The following DUSP16 variants were observed in gnomAD, a reference collection of about 807,000 sequenced individuals.
The protein encoded by DUSP16 is dual specificity protein phosphatase 16.
In DUSP16, 21 loss-of-function variants were observed where a neutral mutation model predicts 58.3. The observed-to-expected ratio is 0.36, with a 90% confidence interval of 0.26 to 0.52. The LOEUF (loss-of-function observed/expected upper bound fraction) is 0.52. DUSP16 is among the 20% of genes least tolerant of loss of function. The pLI, the probability that DUSP16 is intolerant of heterozygous loss-of-function variation, is 0.94. For synonymous variants in DUSP16, 320 were observed against 323.8 expected, an observed-to-expected ratio of 0.99 and a Z score of 0.12; for missense variants, 726 against 819.0, an observed-to-expected ratio of 0.89 and a Z score of 1.39.
chr12:12,479,892 A>G (rs1943530934), intron 6 of DUSP16, among the ~76,000 whole-genome samples: 1 of 152,226 alleles, frequency 6.6e-6, no homozygotes, highest in Non-Finnish European at 1.5e-5. Flanking sequence ...TCCCCCCATC[A>G]TATGCAAATT....
Position 12,487,201 on chromosome 12 carries a change from G to C in DUSP16, c.532-14C>G. ...CTGCATCAGCTCCTATGGAGAGAAA[G>C]AGTAGCAGTTAAAGTGACTAATAAT... is the stretch of plus-strand genomic sequence containing the variant. On this transcript the variant is annotated splice_polypyrimidine_tract_variant and intron_variant, in intron 4 of 6. Transcript: ENST00000298573. The C allele has an allele frequency of 1.9e-6, 3 of 1,612,324 alleles. No homozygotes were observed. Among genetic ancestry groups the C allele is most frequent in the South Asian group, 1.1e-5 (1 of 90,972 alleles).
At chr12:12,479,230 TGGA>T (rs1395081034) in intron 6 of DUSP16, among the ~76,000 whole-genome samples, 6 of 151,684 alleles carry the variant, frequency 4.0e-5, no homozygotes, top group African/African-American at 1.5e-4. Context: ...TTTCAGGTGA[TGGA>T]GGAGTAGAAC....
At chr12:12,550,793 T>C (rs1944713189) in intron 1 of DUSP16, among the ~76,000 whole-genome samples, 1 of 152,066 alleles carries the variant, frequency 6.6e-6, no homozygotes, top group African/African-American at 2.4e-5. Context: ...CTAATGTAGA[T>C]GACGGGCTGA....
At chr12:12,515,674 T>C (rs1489051000) in intron 3 of DUSP16, among the ~76,000 whole-genome samples, 5 of 151,798 alleles carry the variant, frequency 3.3e-5, no homozygotes, top group Admixed American at 1.3e-4. Flanking sequence ...GTGGGGAAGA[T>C]ATGCAGGTCT....
At chr12:12,534,438 G>A (rs527265340) in intron 1 of DUSP16, among the ~76,000 whole-genome samples, 20 of 152,278 alleles carry the variant, frequency 1.3e-4, no homozygotes, top group South Asian at 2.1e-4. Flanking sequence ...GACGGGAGTC[G>A]GAACATTCTC....
At chr12:12,544,598 C>T (rs975855035) in intron 1 of DUSP16, among the ~76,000 whole-genome samples, 1 of 151,928 alleles carries the variant, frequency 6.6e-6, no homozygotes, top group African/African-American at 2.4e-5. Flanking sequence ...GTTCTAGTTG[C>T]TCTACACCCA....
chr12:12,560,258 CCA>C (rs1227629989), intron 1 of DUSP16, among the ~76,000 whole-genome samples: 7 of 152,056 alleles, frequency 4.6e-5, no homozygotes, highest in African/African-American at 1.4e-4. Flanking sequence ...AAATTAATTA[CCA>C]CAGTTTACAT....
At chr12:12,510,370 G>C (rs1944059194) in intron 3 of DUSP16, among the ~76,000 whole-genome samples, 1 of 152,208 alleles carries the variant, frequency 6.6e-6, no homozygotes, top group African/African-American at 2.4e-5. Context: ...CTTGTAAACT[G>C]TCCATGAATC....
chr12:12,509,828 A>T (rs1485784846), intron 3 of DUSP16, among the ~76,000 whole-genome samples: 9 of 152,172 alleles, frequency 5.9e-5, no homozygotes, highest in Non-Finnish European at 1.2e-4. Flanking sequence ...TCCTGATTCC[A>T]TTCAAAGCCA....
In DUSP16 at chr12:12,562,450, G is replaced by C. The variant is rs1286684262; in HGVS notation, c.-699C>G. ...ATGAAGAACTTAGGGAGGTAAAGGT[G>C]GGGGGCCGCGTTGTGAAAGTGGGGG... On this transcript the variant is annotated 5_prime_UTR_variant, in exon 1 of 7. Transcript: ENST00000298573. 1 of 151,044 alleles carries C rather than the reference G, an allele frequency of 6.6e-6. No homozygotes were observed. Among genetic ancestry groups the C allele is most frequent in the Non-Finnish European group, 1.5e-5 (1 of 67,872 alleles). 9.4% of individuals were successfully genotyped at this position (151,044 alleles called of 1,614,324 possible).
At chr12:12,530,210 G>A (rs927776725) in intron 1 of DUSP16, among the ~76,000 whole-genome samples, 1 of 152,148 alleles carries the variant, frequency 6.6e-6, no homozygotes, top group Non-Finnish European at 1.5e-5. Flanking sequence ...CATACTACCA[G>A]GAGTGGGATA....
Position 12,475,355 on chromosome 12 carries a change from C to G in DUSP16, c.*1478G>C, listed in dbSNP as rs946752662. The G allele has an allele frequency of 2.6e-5, 4 of 152,158 alleles. No individual in the cohort carries two copies. Among genetic ancestry groups the G allele is most frequent in the Non-Finnish European group, 5.9e-5 (4 of 68,056 alleles). The allele number at this position is 152,158 out of a possible 1,614,324, so 9.4% of individuals were successfully genotyped here. On this transcript the variant is annotated 3_prime_UTR_variant, in exon 7 of 7. Transcript: ENST00000298573. ...CTGCACTATCACTTGTTCCAGTGACCTCCTATGTTCAGCTGCCAGGACCGA... is the reference window on the plus strand; with the variant it reads ...CTGCACTATCACTTGTTCCAGTGACGTCCTATGTTCAGCTGCCAGGACCGA...
intron 3 of DUSP16, 82 bp from the exon 4 acceptor site, chr12:12,500,764 T>C: frequency 7.7e-7 from 1 of 1,305,572 alleles, no homozygotes; most frequent in Non-Finnish European, 1.0e-6. Context: ...GCTCAAACAG[T>C]TTAAACCCAC....
chr12:12,477,108 C>T lies in DUSP16; in HGVS notation c.1723G>A (p.Gly575Ser), dbSNP rs941199706. The T allele has an allele frequency of 1.9e-6, 3 of 1,614,240 alleles. No homozygotes were observed. Among genetic ancestry groups the T allele is most frequent in the Non-Finnish European group, 1.7e-6 (2 of 1,180,046 alleles). Residue 575 changes from glycine (G) to serine (S), a missense_variant, in exon 7 of 7, where the codon GGC becomes AGC. By Grantham distance (56) the Gly-to-Ser change is moderately conservative. Coordinates refer to ENST00000298573, the MANE Select transcript of DUSP16 (RefSeq NM_030640.3). This position sits in a 1 kb window ranked among gnomAD's most constrained non-coding sequence, Gnocchi z 4.1. ...CTGTAGGCAGAGTAACTGGCACTGCCTCCGTAGATGGCTGAGGCAGAGTAG... is the reference window on the plus strand; with the variant it reads ...CTGTAGGCAGAGTAACTGGCACTGCTTCCGTAGATGGCTGAGGCAGAGTAG... ...HFYSASAIYG[G>S]SASYSAYSCS...
At chr12:12,510,047 A>G (rs921888424) in intron 3 of DUSP16, among the ~76,000 whole-genome samples, 7 of 152,196 alleles carry the variant, frequency 4.6e-5, no homozygotes, top group African/African-American at 4.8e-5. Flanking sequence ...CTGTATCCAC[A>G]GGACTTTACA....
At chr12:12,492,128 G>C (rs182988215) in intron 4 of DUSP16, among the ~76,000 whole-genome samples, 1 of 152,264 alleles carries the variant, frequency 6.6e-6, no homozygotes, top group East Asian at 1.9e-4. Context: ...CATGGCCAGA[G>C]AAAAACACTC....
At chr12:12,557,434 C>T (rs553355743) in intron 1 of DUSP16, among the ~76,000 whole-genome samples, 1 of 143,832 alleles carries the variant, frequency 7.0e-6, no homozygotes, top group Non-Finnish European at 1.5e-5. Context: ...TCCAGCCTGG[C>T]GACAGAGCAA....
At chr12:12,524,644 T>C (rs1944278118) in intron 1 of DUSP16, among the ~76,000 whole-genome samples, 2 of 152,206 alleles carry the variant, frequency 1.3e-5, no homozygotes, top group Admixed American at 6.5e-5. Context: ...AGAATTTCTA[T>C]AAGTCAAGGG....
intron 3 of DUSP16, among the ~76,000 whole-genome samples, 173 bp downstream of exon 3, chr12:12,519,689 G>C (rs1944201323): frequency 1.3e-5 from 2 of 152,294 alleles, no homozygotes; most frequent in South Asian, 4.1e-4. Flanking sequence ...CTATGTGGAA[G>C]AATGATATAG....
Sources: gnomAD v4.1 joint callset for allele counts (sites outside exome capture counted in the v4.1 genomes callset) on GRCh38, gnomAD v4.1.1 for gene constraint, Gnocchi (gnomAD v3.1) non-coding constraint, MANE v1.5 for transcripts, NCBI Gene and HGNC (gene_info 2026-07-23, HGNC 2026-07-21) for gene names.